The following RFX3 variants were observed in gnomAD, a reference collection of about 807,000 sequenced individuals.
RFX3 encodes the protein regulatory factor X3, also known as transcription factor RFX3.
Under a neutral mutation model 98.6 loss-of-function variants are expected in RFX3, and 14 were observed. That is an observed-to-expected ratio of 0.14 (90% confidence interval 0.09 to 0.22). The LOEUF is 0.22. RFX3 is among the 10% of genes least tolerant of loss of function. RFX3 has a pLI of 1.00. For synonymous variants in RFX3, 383 were observed against 328.4 expected (o/e 1.17, Z -1.80); for missense variants, 639 against 926.9 (o/e 0.69, Z 4.03).
At chr9:3,438,126 G>A (rs978163537) in intron 1 of RFX3, among the ~76,000 whole-genome samples, 2 of 152,032 alleles carry the variant, frequency 1.3e-5, no homozygotes, top group Non-Finnish European at 2.9e-5. Context: ...CACCTCCTCA[G>A]AGTCTTGCAT....
intron 1 of RFX3, among the ~76,000 whole-genome samples, chr9:3,418,306 T>C (rs1418722237): frequency 2.0e-5 from 3 of 152,248 alleles, no homozygotes; most frequent in Non-Finnish European, 1.5e-5. Context: ...CAACAGTGCC[T>C]GATGCATGGT....
At chr9:3,310,180 A>G (rs536293096) in intron 4 of RFX3, among the ~76,000 whole-genome samples, 8 of 152,306 alleles carry the variant, frequency 5.3e-5, no homozygotes, top group African/African-American at 1.7e-4. Flanking sequence ...TTTGAAATGC[A>G]GCAAAATGGG....
intron 1 of RFX3, among the ~76,000 whole-genome samples, chr9:3,477,524 G>C (rs550785830): frequency 1.3e-5 from 2 of 152,064 alleles, no homozygotes; most frequent in Non-Finnish European, 2.9e-5. Context: ...AGGGTTTCTC[G>C]TAAGTCAGCT....
At chr9:3,443,674 G>A (rs1018232171) in intron 1 of RFX3, among the ~76,000 whole-genome samples, 1 of 152,178 alleles carries the variant, frequency 6.6e-6, no homozygotes, top group Non-Finnish European at 1.5e-5. Flanking sequence ...ATACACATGC[G>A]TGTATCTTTA....
chr9:3,383,334 G>C (rs1211818065), intron 2 of RFX3, among the ~76,000 whole-genome samples: 1 of 152,078 alleles, frequency 6.6e-6, no homozygotes, highest in African/African-American at 2.4e-5. Context: ...GACATTTCTT[G>C]ATAATGCATA....
At chr9:3,382,969 CTA>C (rs1839346881) in intron 2 of RFX3, among the ~76,000 whole-genome samples, 1 of 152,052 alleles carries the variant, frequency 6.6e-6, no homozygotes, top group African/African-American at 2.4e-5. Flanking sequence ...TGGCTATTGA[CTA>C]TAATTTATTA....
At chr9:3,349,031 A>G (rs1009819772) in intron 2 of RFX3, among the ~76,000 whole-genome samples, 1 of 152,150 alleles carries the variant, frequency 6.6e-6, no homozygotes, top group African/African-American at 2.4e-5. Context: ...TGCTATTCAT[A>G]TTTCTAGGTC....
chr9:3,491,597 T>A (rs1850721669), intron 1 of RFX3, among the ~76,000 whole-genome samples: 1 of 152,228 alleles, frequency 6.6e-6, no homozygotes, highest in Admixed American at 6.5e-5. Flanking sequence ...TAGGCCAGTC[T>A]ACAGTCATCT....
intron 1 of RFX3, among the ~76,000 whole-genome samples, chr9:3,397,241 A>C (rs1322954143): frequency 1.3e-5 from 2 of 152,234 alleles, no homozygotes; most frequent in South Asian, 2.1e-4. Context: ...TCAATAAAAG[A>C]AATATGAATT....
intron 2 of RFX3, among the ~76,000 whole-genome samples, chr9:3,371,750 A>G (rs1037450113): frequency 2.0e-4 from 31 of 152,328 alleles, no homozygotes; most frequent in South Asian, 1.2e-3. Flanking sequence ...GGGTTAGTAG[A>G]GAACAGAAGG....
chr9:3,444,653 A>G (rs533673660), intron 1 of RFX3, among the ~76,000 whole-genome samples: 1 of 152,352 alleles, frequency 6.6e-6, no homozygotes, highest in East Asian at 1.9e-4. Context: ...CTAAACCTAG[A>G]AATGAGAAGC....
At chr9:3,395,337 C>A in intron 2 of RFX3, 135 bp downstream of exon 2, 1 of 948,536 alleles carries the variant, frequency 1.1e-6, no homozygotes, top group East Asian at 2.5e-5. Context: ...GAAACATTTG[C>A]TGAATGAACC....
At chr9:3,385,833 G>A (rs1564024081) in intron 2 of RFX3, among the ~76,000 whole-genome samples, 1 of 151,992 alleles carries the variant, frequency 6.6e-6, no homozygotes, top group East Asian at 1.9e-4. Context: ...GGTCATCTAA[G>A]ATAATAATAT....
At chr9:3,487,670 C>T (rs911922838) in intron 1 of RFX3, among the ~76,000 whole-genome samples, 3 of 152,080 alleles carry the variant, frequency 2.0e-5, no homozygotes, top group African/African-American at 4.8e-5. Flanking sequence ...AGAGCAGCTT[C>T]GAAACCCTGT....
intron 2 of RFX3, among the ~76,000 whole-genome samples, chr9:3,359,175 A>G (rs1441871179): frequency 6.6e-6 from 1 of 152,030 alleles, no homozygotes; most frequent in Non-Finnish European, 1.5e-5. Context: ...TTCAAAGGTA[A>G]AAGATAATGG....
intron 1 of RFX3, chr9:3,490,360 G>C (rs764769580): frequency 3.6e-5 from 35 of 963,726 alleles, no homozygotes; most frequent in Non-Finnish European, 4.3e-5. Flanking sequence ...AATATTAAAA[G>C]CAAGAACAAT....
At chr9:3,372,730 T>A (rs997512617) in intron 2 of RFX3, among the ~76,000 whole-genome samples, 1 of 151,672 alleles carries the variant, frequency 6.6e-6, no homozygotes, top group Non-Finnish European at 1.5e-5. Context: ...GGAGTACAGG[T>A]GCCCGCCACC....
chr9:3,425,891 AATG>A (rs1474422909), intron 1 of RFX3, among the ~76,000 whole-genome samples: 1 of 152,188 alleles, frequency 6.6e-6, no homozygotes, highest in Admixed American at 6.5e-5. Flanking sequence ...CATCAAGTTG[AATG>A]ATATTTCTTA....
At chr9:3,316,393 T>A (rs187985428) in intron 4 of RFX3, among the ~76,000 whole-genome samples, 1 of 152,178 alleles carries the variant, frequency 6.6e-6, no homozygotes, top group South Asian at 2.1e-4. Flanking sequence ...ATAAGAGCTA[T>A]TTATGACAAA....
Sources: allele counts gnomAD v4.1 joint callset (sites outside exome capture counted in the v4.1 genomes callset), GRCh38; gene constraint gnomAD v4.1.1; transcripts MANE v1.5; gene names NCBI Gene and HGNC (gene_info 2026-07-23, HGNC 2026-07-21).